SP100: variants seen among roughly 807,000 people sequenced by gnomAD.
SP100 encodes the protein SP100 nuclear body protein, also known as nuclear autoantigen Sp-100.
SP100 carries 84 observed loss-of-function variants against 130.0 expected under a neutral mutation model. That is an observed-to-expected ratio of 0.65 (90% CI 0.54 to 0.77). SP100 has a LOEUF of 0.77. Among genes scored for constraint, SP100 ranks in the 30% least tolerant of loss-of-function variants. The pLI is 0.00. For synonymous variants in SP100, 331 were observed against 351.7 expected, an observed-to-expected ratio of 0.94 and a Z score of 0.66; for missense variants, 978 against 1,052.2, an observed-to-expected ratio of 0.93 and a Z score of 0.97.
At chr2:230,429,268 T>C (rs79652793) in intron 2 of SP100, among the ~76,000 whole-genome samples, 15,877 of 152,252 alleles carry the variant, frequency 0.1, 878 homozygotes, top group Admixed American at 0.11. Flanking sequence ...ATTTTGAACA[T>C]ATCACCCTAA....
intron 17 of SP100, among the ~76,000 whole-genome samples, chr2:230,477,948 C>CAAAAAAAAAAAAA (rs5839369): frequency 7.5e-6 from 1 of 133,950 alleles, no homozygotes; most frequent in Admixed American, 7.7e-5. Context: ...ACAAAACAAA[C>CAAAAAAAAAAAAA]AAAAAAAAAA....
At chr2:230,479,929 A>C (rs976969885) in intron 17 of SP100, among the ~76,000 whole-genome samples, 6 of 152,238 alleles carry the variant, frequency 3.9e-5, no homozygotes, top group Non-Finnish European at 8.8e-5. Flanking sequence ...TGACCAATGA[A>C]GGACAGGATT....
At chr2:230,459,292 C>CT (rs2064454927) in intron 8 of SP100, among the ~76,000 whole-genome samples, 1 of 152,068 alleles carries the variant, frequency 6.6e-6, no homozygotes, top group Admixed American at 6.5e-5. Flanking sequence ...TCAAGACATT[C>CT]TCTGATCTGA....
intron 19 of SP100, 53 bp from the exon 20 acceptor site, chr2:230,503,011 AAC>A (rs2067122565): frequency 7.6e-7 from 1 of 1,311,332 alleles, no homozygotes; most frequent in South Asian, 1.3e-5. Context: ...GGTTTTGTAA[AAC>A]ACTACTATTT....
chr2:230,537,838 G>A (rs1692007074), intron 24 of SP100: 2 of 152,166 alleles, frequency 1.3e-5, no homozygotes, highest in African/African-American at 4.8e-5. Context: ...AATACAGTTC[G>A]ATCACAATTG....
intron 2 of SP100, among the ~76,000 whole-genome samples, chr2:230,429,446 A>G (rs1443097346): frequency 1.3e-5 from 2 of 152,156 alleles, no homozygotes; most frequent in African/African-American, 4.8e-5. Flanking sequence ...TTTATTGTTC[A>G]GTCTGCTTGG....
intron 27 of SP100, 35 bp from the exon 28 acceptor site, chr2:230,541,857 G>C: frequency 6.2e-7 from 1 of 1,606,976 alleles, no homozygotes; most frequent in Non-Finnish European, 8.5e-7. Context: ...TATGGCACTG[G>C]GCTGATAGCC....
At chr2:230,437,514 G>T (rs986742202) in intron 2 of SP100, among the ~76,000 whole-genome samples, 12 of 151,928 alleles carry the variant, frequency 7.9e-5, no homozygotes, top group Non-Finnish European at 1.5e-4. Flanking sequence ...TATTTCAAGG[G>T]TATTGAGAAA....
At chr2:230,470,180 T>A in intron 15 of SP100, 82 bp downstream of exon 15, 2 of 1,526,772 alleles carry the variant, frequency 1.3e-6, no homozygotes, top group Non-Finnish European at 1.8e-6. Flanking sequence ...AGACGCTTTT[T>A]ATTCTGAGCA....
At chr2:230,445,903 C>A (rs1456420528) in intron 4 of SP100, among the ~76,000 whole-genome samples, 1 of 151,994 alleles carries the variant, frequency 6.6e-6, no homozygotes, top group East Asian at 1.9e-4. Context: ...TGGGACAGCA[C>A]CACCCACCGC....
At chr2:230,531,666 A>G (rs543346697) in intron 24 of SP100, among the ~76,000 whole-genome samples, 1 of 152,354 alleles carries the variant, frequency 6.6e-6, no homozygotes, top group East Asian at 1.9e-4. Context: ...AATTTCACAT[A>G]CATGCTTGCA....
rs190190738 is a variant in SP100 at position 230,542,989 on chromosome 2, C to G, written c.*43C>G. On this transcript the variant is annotated 3_prime_UTR_variant, in exon 29 of 29. Transcript: ENST00000340126. Reference sequence around the variant, plus strand: ...CTTCAGATCCTCTGGCAGCTAGCTACGCAATGTGCCTGTGGTCCCACTAAT... The same window carrying G: ...CTTCAGATCCTCTGGCAGCTAGCTAGGCAATGTGCCTGTGGTCCCACTAAT... 5.5e-6 allele frequency: 6 copies of G among 1,099,150 alleles called. No homozygotes were observed. In the East Asian group the frequency reaches 7.2e-5, roughly 13 times the overall value. 68.1% of individuals were successfully genotyped at this position (1,099,150 alleles called of 1,614,324 possible).
At position 230,416,360 on chromosome 2, in the gene SP100, A is replaced by G. The variant is rs547973749; in HGVS notation, c.32+32A>G. 3.8e-6 allele frequency: 6 copies of G among 1,596,830 alleles called. No individual in the cohort carries two copies. The African/African-American group carries it at 6.7e-5, about 18-fold the overall frequency. ...CTTTATCTCCCTTCCTTTAACCTTT[A>G]TCTCTGGCTATATTGCAGCTTTCAT... On this transcript the variant is annotated intron_variant, in intron 1 of 28. Transcript: ENST00000340126.
At chr2:230,459,283 C>T (rs1221231111) in intron 8 of SP100, among the ~76,000 whole-genome samples, 1 of 152,094 alleles carries the variant, frequency 6.6e-6, no homozygotes, top group Non-Finnish European at 1.5e-5. Context: ...GAAGACAAAT[C>T]AAGACATTCT....
At chr2:230,498,432 T>C in intron 18 of SP100, 29 bp from the exon 19 acceptor site, 1 of 1,351,868 alleles carries the variant, frequency 7.4e-7, no homozygotes, top group Non-Finnish European at 1.0e-6. Flanking sequence ...TTTTACACCA[T>C]CCATATTTAT....
chr2:230,444,223 G>A lies in SP100; in HGVS notation c.316G>A (p.Val106Met). 1 of 1,611,474 alleles carries A rather than the reference G, an allele frequency of 6.2e-7. No homozygotes were observed. The highest frequency in any genetic ancestry group is 1.3e-5 in the African/African-American group (1 of 74,942). ...AAACCTGGTCCCTGTACAGAGAGTG[G>A]TGTACAATGTTCTTAGTGAACTGGA... Reference protein sequence around the residue: ...CRNLVPVQRVVYNVLSELEKT... With the variant: ...CRNLVPVQRVMYNVLSELEKT... The change falls in exon 4 of 29, where the codon GTG becomes ATG. Residue 106 changes from valine (V) to methionine (M), a missense_variant. Val to Met is a conservative substitution (Grantham distance 21). Transcript: ENST00000340126.
intron 24 of SP100, among the ~76,000 whole-genome samples, chr2:230,514,748 T>C (rs1334182816): frequency 1.3e-5 from 2 of 152,198 alleles, no homozygotes; most frequent in Non-Finnish European, 2.9e-5. Flanking sequence ...GATTAGACTT[T>C]CAAAAGCTTC....
chr2:230,424,273 G>A (rs2062854502), intron 2 of SP100, among the ~76,000 whole-genome samples: 1 of 152,196 alleles, frequency 6.6e-6, no homozygotes, highest in East Asian at 1.9e-4. Context: ...ACTCAAGAGA[G>A]GATTGCAAGT....
At chr2:230,459,079 G>C (rs974229998) in intron 8 of SP100, among the ~76,000 whole-genome samples, 1 of 151,980 alleles carries the variant, frequency 6.6e-6, no homozygotes, top group Non-Finnish European at 1.5e-5. Flanking sequence ...CCTCACCCTG[G>C]TTCTGTCTCT....
Sources: gnomAD v4.1 joint callset for allele counts (sites outside exome capture counted in the v4.1 genomes callset) on GRCh38, gnomAD v4.1.1 for gene constraint, MANE v1.5 for transcripts, NCBI Gene and HGNC (gene_info 2026-07-23, HGNC 2026-07-21) for gene names.